TBX20: variants seen among roughly 807,000 people sequenced by gnomAD.
TBX20 encodes the protein T-box transcription factor 20.
A neutral mutation model predicts 42.9 loss-of-function variants in TBX20; 8 were observed. The ratio of observed to expected loss-of-function variants is 0.19; its 90% CI spans 0.11 to 0.34. The LOEUF is 0.34. TBX20 is among the 10% of genes least tolerant of loss of function. TBX20 has a pLI of 1.00. For missense variants in TBX20, 411 were observed against 566.0 expected (o/e 0.73, Z 2.78); for synonymous variants, 198 against 222.8 (o/e 0.89, Z 0.99).
At position 35,204,061 on chromosome 7, in the gene TBX20, C is replaced by G. The variant is rs571560566; in HGVS notation, c.1003+409G>C. 9.6e-4 allele frequency among the ~76,000 whole-genome samples: 146 copies of G among 152,242 alleles called. 1 individual carries two copies. The highest frequency in any genetic ancestry group is 3.4e-3 in the African/African-American group (140 of 41,548). ...GTGTTTTCTATTTTGGTCTTTGATT[C>G]TAACAAATTATACCTGACATAGATG... On this transcript the variant is annotated intron_variant, in intron 7 of 7. Transcript: ENST00000408931.
In TBX20 at chr7:35,253,812, C is replaced by A; in HGVS notation, c.-192G>T. 1.5e-6 allele frequency: 1 copy of A among 678,700 alleles called. No homozygotes were observed. The allele number at this position is 678,700 out of a possible 1,614,324, so 42.0% of individuals were successfully genotyped here. On this transcript the variant is annotated 5_prime_UTR_variant, in exon 1 of 8. Transcript: ENST00000408931. Reference sequence around the variant, plus strand: ...GGCCTCTATTCCCCACCGCAAAGCCCCAGAGCCGCAGAGACTTCGAAGGCA... The same window carrying A: ...GGCCTCTATTCCCCACCGCAAAGCCACAGAGCCGCAGAGACTTCGAAGGCA...
chr7:35,234,282 G>T (rs1241697787), intron 5 of TBX20, among the ~76,000 whole-genome samples: 3 of 152,118 alleles, frequency 2.0e-5, no homozygotes, highest in Non-Finnish European at 4.4e-5. Context: ...TCTCTGAAAA[G>T]AATTTTGAAA....
chr7:35,228,869 T>A (rs1200049355), intron 6 of TBX20, among the ~76,000 whole-genome samples: 2 of 152,176 alleles, frequency 1.3e-5, no homozygotes, highest in Non-Finnish European at 2.9e-5. Context: ...TTTTTGCCAG[T>A]GAGGTGGGTT....
chr7:35,225,513 G>C (rs1009484822), intron 6 of TBX20, among the ~76,000 whole-genome samples: 1 of 152,176 alleles, frequency 6.6e-6, no homozygotes, highest in Non-Finnish European at 1.5e-5. Flanking sequence ...GTGGCCAGCA[G>C]CTATTGTATC....
intron 7 of TBX20, among the ~76,000 whole-genome samples, 189 bp from the exon 8 acceptor site, chr7:35,202,959 T>G (rs1443838138): frequency 6.6e-6 from 1 of 152,194 alleles, no homozygotes; most frequent in Non-Finnish European, 1.5e-5. Flanking sequence ...ATTTACACCT[T>G]GCATGGAATA....
chr7:35,218,033 T>A (rs1250056095), intron 6 of TBX20, among the ~76,000 whole-genome samples: 2 of 152,226 alleles, frequency 1.3e-5, no homozygotes, highest in Non-Finnish European at 2.9e-5. Flanking sequence ...AAGCAGACTT[T>A]AATCTGTCTA....
chr7:35,251,626 C>G (rs1790307393), intron 1 of TBX20, among the ~76,000 whole-genome samples: 1 of 152,166 alleles, frequency 6.6e-6, no homozygotes, highest in Non-Finnish European at 1.5e-5. Context: ...AAGCCCCAGA[C>G]TGACCAATGC....
At chr7:35,244,901 G>A (rs1247689011) in intron 4 of TBX20, 48 bp downstream of exon 4, 1 of 1,382,942 alleles carries the variant, frequency 7.2e-7, no homozygotes. Context: ...TGTGCGACCT[G>A]TCCATTCTAC....
At chr7:35,251,198 AG>A (rs377132560) in intron 1 of TBX20, among the ~76,000 whole-genome samples, 257 of 152,378 alleles carry the variant, frequency 1.7e-3, no homozygotes, top group Middle Eastern at 3.4e-3. Flanking sequence ...CCCTTAAAAA[AG>A]AAACTACTTG....
chr7:35,234,417 C>G lies in TBX20; in HGVS notation c.814-2837G>C, dbSNP rs187239371. 1.8e-3 allele frequency among the ~76,000 whole-genome samples: 275 copies of G among 152,308 alleles called. 1 individual carries two copies. The highest frequency in any genetic ancestry group is 3.5e-3 in the Admixed American group (53 of 15,298). ...ATACATACTCTCAAAACACATGTTG[C>G]TCAATTGACGTGTCACCATATCTAA... On this transcript the variant is annotated intron_variant, in intron 5 of 7. Coordinates refer to ENST00000408931, the MANE Select transcript of TBX20 (RefSeq NM_001077653.2).
intron 5 of TBX20, among the ~76,000 whole-genome samples, chr7:35,236,440 G>T (rs1391043005): frequency 6.6e-6 from 1 of 152,036 alleles, no homozygotes; most frequent in African/African-American, 2.4e-5. Context: ...TATGCTATAG[G>T]AAACTTACTA....
At chr7:35,246,065 G>A (rs765958640) in intron 3 of TBX20, among the ~76,000 whole-genome samples, 49 of 152,200 alleles carry the variant, frequency 3.2e-4, no homozygotes, top group Non-Finnish European at 5.7e-4. Context: ...CAAGGGATAA[G>A]AAGTCATAAA....
rs369424565 is a variant in TBX20, at chr7:35,203,445, C to G, written c.1004-675G>C. Among the ~76,000 whole-genome samples, 20 of 152,050 alleles carry G rather than the reference C, an allele frequency of 1.3e-4. 1 individual carries two copies. Among genetic ancestry groups the G allele is most frequent in the African/African-American group, 4.8e-4 (20 of 41,488 alleles). The stretch of plus-strand genomic sequence containing the variant: ...ACCCCTCCTCTTCCTCATCTGCCAA[C>G]TCAGTGTGAAGATGAGGATGAAGAC... On this transcript the variant is annotated intron_variant, in intron 7 of 7. Coordinates refer to ENST00000408931, the MANE Select transcript of TBX20 (RefSeq NM_001077653.2).
intron 4 of TBX20, among the ~76,000 whole-genome samples, chr7:35,243,152 T>G (rs1371678156): frequency 6.6e-6 from 1 of 152,032 alleles, no homozygotes; most frequent in Non-Finnish European, 1.5e-5. Flanking sequence ...TAATTTTTTG[T>G]TTTGTTTTGT....
intron 6 of TBX20, among the ~76,000 whole-genome samples, chr7:35,222,413 G>T (rs1789698282): frequency 6.6e-6 from 1 of 152,056 alleles, no homozygotes. Context: ...AGCAGAAATG[G>T]TTCAAAGAAG....
chr7:35,217,879 C>A (rs976739479), intron 6 of TBX20, among the ~76,000 whole-genome samples: 5 of 152,106 alleles, frequency 3.3e-5, no homozygotes, highest in African/African-American at 9.7e-5. Context: ...CACCACCACG[C>A]CTGGTTAATT....
At position 35,204,546 on chromosome 7, in the gene TBX20, A is replaced by G; in HGVS notation, c.927T>C (p.Tyr309=). The part of the protein sequence containing the change: ...SVESLIQKHS[Y]ARSPIRTYGG... ...CGTAGGTACGGATGGGTGAGCGTGC[A>G]TAGGAATGCTTTTGAATCAGGCTCT... The change falls in exon 7 of 8, where the codon TAT becomes TAC. Residue 309 remains tyrosine, a synonymous_variant. Transcript: ENST00000408931. 6.2e-7 allele frequency: 1 copy of G among 1,614,076 alleles called. No homozygotes were observed. The highest frequency in any genetic ancestry group is 8.5e-7 in the Non-Finnish European group (1 of 1,179,976).
chr7:35,214,602 C>G (rs1357859769), intron 6 of TBX20, among the ~76,000 whole-genome samples: 1 of 152,048 alleles, frequency 6.6e-6, no homozygotes, highest in Non-Finnish European at 1.5e-5. Flanking sequence ...TAATGTTGAA[C>G]CCCAGCAGCC....
At chr7:35,227,757 T>G (rs1304832401) in intron 6 of TBX20, among the ~76,000 whole-genome samples, 1 of 152,132 alleles carries the variant, frequency 6.6e-6, no homozygotes, top group Non-Finnish European at 1.5e-5. Flanking sequence ...CCAGACTAGA[T>G]AAATTCATAG....
Sources: gnomAD v4.1 joint callset for allele counts (sites outside exome capture counted in the v4.1 genomes callset) on GRCh38, gnomAD v4.1.1 for gene constraint, MANE v1.5 for transcripts, NCBI Gene and HGNC (gene_info 2026-07-23, HGNC 2026-07-21) for gene names.